The following ASPH variants were observed in gnomAD, a reference collection of about 807,000 sequenced individuals.
ASPH encodes the protein aspartate beta-hydroxylase.
Under a neutral mutation model 118.4 loss-of-function variants are expected in ASPH, and 100 were observed. That is an observed-to-expected ratio of 0.84 (90% CI 0.72 to 1.00). ASPH has a LOEUF of 1.00. Among genes scored for constraint, ASPH ranks in the 50% least tolerant of loss-of-function variants. The pLI, the probability that ASPH is intolerant of heterozygous loss-of-function variation, is 0.00. For missense variants in ASPH, 920 were observed against 919.5 expected, an observed-to-expected ratio of 1.00 and a Z score of -0.01; for synonymous variants, 315 against 325.6, an observed-to-expected ratio of 0.97 and a Z score of 0.35.
intron 1 of ASPH, among the ~76,000 whole-genome samples, chr8:61,686,647 A>C (rs1424965050): frequency 6.6e-6 from 1 of 152,212 alleles, no homozygotes; most frequent in Non-Finnish European, 1.5e-5. Flanking sequence ...AGTTTAACAA[A>C]AATACTACCT....
At chr8:61,685,786 G>A (rs1324997226) in intron 1 of ASPH, among the ~76,000 whole-genome samples, 2 of 151,380 alleles carry the variant, frequency 1.3e-5, no homozygotes, top group South Asian at 4.2e-4. Flanking sequence ...CCTACATGTA[G>A]ATAAATTTTT....
intron 24 of ASPH, among the ~76,000 whole-genome samples, chr8:61,509,161 GTT>G (rs1355322944): frequency 8.5e-5 from 13 of 152,160 alleles, no homozygotes; most frequent in Non-Finnish European, 1.6e-4. Flanking sequence ...AAGTCATAGT[GTT>G]ACTGGAAAGG....
chr8:61,505,506 A>G (rs199887146), intron 24 of ASPH, among the ~76,000 whole-genome samples: 9,443 of 151,834 alleles, frequency 0.062, 532 homozygotes, highest in East Asian at 0.27. Flanking sequence ...AAAAAAAAAA[A>G]AAAAAAAAGA....
chr8:61,596,191 A>G (rs1842466559), intron 14 of ASPH, among the ~76,000 whole-genome samples: 2 of 151,640 alleles, frequency 1.3e-5, no homozygotes, highest in South Asian at 4.2e-4. Context: ...CTAGGGATTG[A>G]CCCACCCCAT....
intron 1 of ASPH, among the ~76,000 whole-genome samples, chr8:61,708,981 T>C (rs2151919267): frequency 1.3e-5 from 2 of 149,898 alleles, no homozygotes; most frequent in South Asian, 2.1e-4. Flanking sequence ...GCAAGTGACC[T>C]GAATCTCACA....
rs988403781 is a variant in ASPH at position 61,684,281 on chromosome 8, T to A, written c.104-93A>T. The A allele has an allele frequency of 2.3e-4, 296 of 1,313,964 alleles. 1 individual carries two copies. Among genetic ancestry groups the A allele is most frequent in the Non-Finnish European group, 2.7e-4 (259 of 971,270 alleles). 81.4% of individuals were successfully genotyped at this position (1,313,964 alleles called of 1,614,324 possible). A position where few individuals can be genotyped will look rare whatever the true frequency, so the allele number is the denominator to read the frequency against. On this transcript the variant is annotated intron_variant, in intron 1 of 24. Transcript: ENST00000379454. The stretch of plus-strand genomic sequence containing the variant: ...ATTTCTCCAATAATTTGGGATTATG[T>A]ACAATGATAGATCATTTCAAAAACA...
chr8:61,607,334 AGT>A, intron 14 of ASPH: 1 of 700,498 alleles, frequency 1.4e-6, no homozygotes, highest in South Asian at 1.5e-5. Context: ...TGTAAATGAA[AGT>A]GTGTCGGAAT....
At chr8:61,655,435 C>G (rs7009611) in intron 3 of ASPH, among the ~76,000 whole-genome samples, 72,139 of 151,974 alleles carry the variant, frequency 0.47, 17,437 homozygotes, top group Middle Eastern at 0.53. Flanking sequence ...AACTATCTGT[C>G]TGAATGAAAA....
chr8:61,650,008 C>T (rs1337587841), intron 5 of ASPH, among the ~76,000 whole-genome samples: 1 of 152,124 alleles, frequency 6.6e-6, no homozygotes, highest in Non-Finnish European at 1.5e-5. Context: ...CAGCACTGGC[C>T]TGGTGAAGGT....
In ASPH at chr8:61,637,937, T is replaced by A. The variant is rs772485095; in HGVS notation, c.889+10A>T. ...TGGAAGGTAAAACCACTTCCATAAA[T>A]TTATCTTACCTTCTACAATTACCTG... On this transcript the variant is annotated intron_variant, in intron 12 of 24. Coordinates refer to ENST00000379454, the MANE Select transcript of ASPH (RefSeq NM_004318.4). The A allele has an allele frequency of 1.2e-6, 2 of 1,604,896 alleles. No homozygotes were observed. The highest frequency in any genetic ancestry group is 2.2e-5 in the South Asian group (2 of 89,198).
chr8:61,582,757 T>G (rs1837980601), intron 15 of ASPH, among the ~76,000 whole-genome samples: 1 of 152,234 alleles, frequency 6.6e-6, no homozygotes, highest in Non-Finnish European at 1.5e-5. Context: ...TTATTGTTGT[T>G]TGTTTACTTA....
intron 22 of ASPH, among the ~76,000 whole-genome samples, chr8:61,525,358 A>G (rs11998197): frequency 0.27 from 40,190 of 151,366 alleles, 7,273 homozygotes; most frequent in African/African-American, 0.49. Flanking sequence ...ACACACACGC[A>G]CACACACACA....
intron 10 of ASPH, among the ~76,000 whole-genome samples, chr8:61,639,910 G>GCACCTTGT (rs1418388299): frequency 6.6e-6 from 1 of 152,130 alleles, no homozygotes; most frequent in East Asian, 1.9e-4. Flanking sequence ...GTGGCTCTTG[G>GCACCTTGT]CACCTTGTTG....
chr8:61,616,034 C>A (rs1446344942), intron 14 of ASPH, among the ~76,000 whole-genome samples: 2 of 152,126 alleles, frequency 1.3e-5, no homozygotes, highest in East Asian at 1.9e-4. Flanking sequence ...TTCATTATTT[C>A]TTTTAATTCT....
At chr8:61,573,111 G>A (rs1420368394) in intron 16 of ASPH, among the ~76,000 whole-genome samples, 2 of 152,068 alleles carry the variant, frequency 1.3e-5, no homozygotes, top group African/African-American at 4.8e-5. Flanking sequence ...TCCCGTTCAC[G>A]ATTGCTTCAA....
chr8:61,525,032 C>G (rs1055974189), intron 22 of ASPH, among the ~76,000 whole-genome samples: 6 of 152,140 alleles, frequency 3.9e-5, no homozygotes, highest in African/African-American at 1.4e-4. Context: ...ATGGTTCTCT[C>G]TCTTTAGATG....
intron 19 of ASPH, 56 bp downstream of exon 19, chr8:61,555,868 C>T: frequency 6.8e-7 from 1 of 1,466,218 alleles, no homozygotes; most frequent in Admixed American, 1.7e-5. Context: ...GCAAGTGTGT[C>T]CCAATAACTC....
At chr8:61,627,573 T>A (rs1197057545) in intron 13 of ASPH, among the ~76,000 whole-genome samples, 1 of 152,206 alleles carries the variant, frequency 6.6e-6, no homozygotes, top group African/African-American at 2.4e-5. Flanking sequence ...TATACCCCAA[T>A]AGAAAAAGTT....
chr8:61,710,219 C>T (rs1390033856), intron 1 of ASPH, among the ~76,000 whole-genome samples: 1 of 152,094 alleles, frequency 6.6e-6, no homozygotes, highest in African/African-American at 2.4e-5. Flanking sequence ...AGATTTTTAG[C>T]GATTCTTGGT....
Sources: allele counts gnomAD v4.1 joint callset (sites outside exome capture counted in the v4.1 genomes callset), GRCh38; gene constraint gnomAD v4.1.1; transcripts MANE v1.5; gene names NCBI Gene and HGNC (gene_info 2026-07-23, HGNC 2026-07-21).